The following DLEC1 variants were observed in gnomAD, a reference collection of about 807,000 sequenced individuals.
DLEC1 encodes deleted in lung and esophageal cancer protein 1.
In DLEC1, 146 loss-of-function variants were observed where a neutral mutation model predicts 198.1. The observed-to-expected ratio is 0.74, with a 90% CI of 0.64 to 0.85. The LOEUF (loss-of-function observed/expected upper bound fraction) is 0.85. Among genes scored for constraint, DLEC1 ranks in the 40% least tolerant of loss-of-function variants. The probability of loss-of-function intolerance (pLI) is 0.00; values close to 1 mark genes in which losing one functional copy is unlikely to be tolerated. For synonymous variants in DLEC1, 897 were observed against 866.8 expected (o/e 1.03, Z -0.61); for missense variants, 2,233 against 2,220.0 (o/e 1.01, Z -0.12).
Position 38,039,393 on chromosome 3 carries a change from C to T in DLEC1, c.168C>T (p.His56=), listed in dbSNP as rs773078667. ...YSSLAYSEAF[H]YSFAARPRRL... ...CCCTCGCCTACTCTGAGGCCTTCCACTACAGCTTCGCAGCCCGGCCCCGCC... is the reference window on the plus strand; with the variant it reads ...CCCTCGCCTACTCTGAGGCCTTCCATTACAGCTTCGCAGCCCGGCCCCGCC... Residue 56 remains histidine (H), a synonymous_variant, in exon 1 of 37, where the codon CAC becomes CAT. Coordinates refer to ENST00000308059, the MANE Select transcript of DLEC1 (RefSeq NM_007335.4). The T allele has an allele frequency of 3.1e-6, 5 of 1,614,010 alleles. No homozygotes were observed. The East Asian group carries it at 1.1e-4, about 36-fold the overall frequency.
At chr3:38,088,454 C>T (rs1267813764) in intron 10 of DLEC1, 66 bp downstream of exon 10, 9 of 1,495,394 alleles carry the variant, frequency 6.0e-6, no homozygotes, top group African/African-American at 1.4e-5. Context: ...TCTCTGTTTT[C>T]ATGACTCAAG....
chr3:38,086,387 C>G lies in DLEC1; in HGVS notation c.1572+10C>G. 1 of 1,594,502 alleles carries G rather than the reference C, an allele frequency of 6.3e-7. No homozygotes were observed. The highest frequency in any genetic ancestry group is 8.5e-7 in the Non-Finnish European group (1 of 1,169,648). ...ACCACTAAGTTTCAAGGTGAGTGAT[C>G]ACAGGTTGCTAACTGGAAAAATTAC... On this transcript the variant is annotated intron_variant, in intron 9 of 36. Coordinates refer to ENST00000308059, the MANE Select transcript of DLEC1 (RefSeq NM_007335.4).
chr3:38,055,314 A>G (rs188925575), intron 2 of DLEC1, among the ~76,000 whole-genome samples: 2 of 152,350 alleles, frequency 1.3e-5, no homozygotes, highest in African/African-American at 4.8e-5. Context: ...ATCCACATCC[A>G]TATCATCATG....
At chr3:38,081,752 C>T (rs1384241754) in intron 6 of DLEC1, among the ~76,000 whole-genome samples, 18 of 78,316 alleles carry the variant, frequency 2.3e-4, no homozygotes, top group East Asian at 2.0e-3. Context: ...CGGGCAGAGG[C>T]GCCCCTCACC....
chr3:38,057,037 T>A (rs911253310), intron 2 of DLEC1, among the ~76,000 whole-genome samples: 1 of 152,190 alleles, frequency 6.6e-6, no homozygotes, highest in African/African-American at 2.4e-5. Context: ...TGGCAGCAAG[T>A]CCAGTTGGGA....
intron 19 of DLEC1, chr3:38,103,122 C>T (rs1375484964): frequency 2.0e-5 from 3 of 152,278 alleles, no homozygotes; most frequent in African/African-American, 7.2e-5. Flanking sequence ...ACTAATTTCT[C>T]ATCACCCATT....
At chr3:38,073,782 T>C (rs1160505901) in intron 6 of DLEC1, among the ~76,000 whole-genome samples, 1 of 152,142 alleles carries the variant, frequency 6.6e-6, no homozygotes. Flanking sequence ...AACAGGCCTT[T>C]GAAAAGAAGG....
intron 2 of DLEC1, among the ~76,000 whole-genome samples, chr3:38,055,844 C>T (rs140671180): frequency 0.022 from 3,350 of 152,120 alleles, 118 homozygotes; most frequent in African/African-American, 0.077. Context: ...GCCTAGAAGA[C>T]GCTATGGGAG....
At position 38,039,468 on chromosome 3, in the gene DLEC1, T is replaced by TCTGCGCCCCTCCTCGCTGCGCA; in HGVS notation, c.245_266dup (p.Gln90AlafsTer44). 6.2e-7 allele frequency: 1 copy of TCTGCGCCCCTCCTCGCTGCGCA among 1,614,050 alleles called. No homozygotes were observed. Among genetic ancestry groups the TCTGCGCCCCTCCTCGCTGCGCA allele is most frequent in the Non-Finnish European group, 8.5e-7 (1 of 1,179,882 alleles). On this transcript the variant is annotated frameshift_variant, in exon 1 of 37. Transcript: ENST00000308059. LOFTEE classifies it high-confidence loss of function. The stretch of plus-strand genomic sequence containing the variant: ...AGCGTCCCGAGCCTCAGCTGCTTCG[T>TCTGCGCCCCTCCTCGCTGCGCA]CTGCGCCCCTCCTCGCTGCGCACCC...
intron 6 of DLEC1, among the ~76,000 whole-genome samples, chr3:38,064,547 G>A (rs993375169): frequency 9.2e-5 from 14 of 151,940 alleles, no homozygotes; most frequent in Non-Finnish European, 1.9e-4. Flanking sequence ...ACGGGGTGGC[G>A]GCCGGGCAGA....
Position 38,093,230 on chromosome 3 carries a change from A to T in DLEC1, c.1756+350A>T, listed in dbSNP as rs189905888. ...CATAAACAGCCAGAGCCACCTCTAGATTTCTGCAGGGTTAGAAGAGGCATC... is the reference window on the plus strand; with the variant it reads ...CATAAACAGCCAGAGCCACCTCTAGTTTTCTGCAGGGTTAGAAGAGGCATC... On this transcript the variant is annotated intron_variant, in intron 11 of 36. Transcript: ENST00000308059. 3.4e-4 allele frequency among the ~76,000 whole-genome samples: 52 copies of T among 152,128 alleles called. No homozygotes were observed. The East Asian group carries it at 7.9e-3, about 23-fold the overall frequency.
chr3:38,063,561 C>T lies in DLEC1; in HGVS notation c.1095-280C>T, dbSNP rs112944348. On this transcript the variant is annotated intron_variant, in intron 5 of 36. Coordinates refer to ENST00000308059, the MANE Select transcript of DLEC1 (RefSeq NM_007335.4). ...ATATTTGAGATACCTATATTAAAAA[C>T]CCACTTACTTATTGGTGTTTAAACA... 1.3e-3 allele frequency among the ~76,000 whole-genome samples: 205 copies of T among 152,218 alleles called. 2 individuals are homozygous for T. The highest frequency in any genetic ancestry group is 4.5e-3 in the African/African-American group (185 of 41,550).
intron 10 of DLEC1, among the ~76,000 whole-genome samples, chr3:38,092,447 CT>C (rs987170278): frequency 2.0e-5 from 3 of 152,208 alleles, no homozygotes; most frequent in Non-Finnish European, 4.4e-5. Flanking sequence ...TCACCTTCTG[CT>C]CTTTGCCAGT....
intron 19 of DLEC1, among the ~76,000 whole-genome samples, chr3:38,107,191 C>G (rs1699609959): frequency 6.6e-6 from 1 of 151,984 alleles, no homozygotes. Context: ...AAAAAATTCT[C>G]TCTTGTTTAG....
At position 38,117,171 on chromosome 3, in the gene DLEC1, C is replaced by T. The variant is rs1406073704; in HGVS notation, c.4306-37C>T. The T allele has an allele frequency of 5.6e-6, 9 of 1,613,984 alleles. No homozygotes were observed. The East Asian group carries it at 2.0e-4, about 36-fold the overall frequency. The stretch of plus-strand genomic sequence containing the variant: ...CCTGGGTAGCATGCTGCCTACTCAG[C>T]CCAGGGATCAGCTGTGATCAGACTT... On this transcript the variant is annotated intron_variant, in intron 30 of 36. Coordinates refer to ENST00000308059, the MANE Select transcript of DLEC1 (RefSeq NM_007335.4).
intron 3 of DLEC1, among the ~76,000 whole-genome samples, chr3:38,061,756 C>A (rs1284162687): frequency 2.6e-5 from 4 of 152,164 alleles, no homozygotes; most frequent in Non-Finnish European, 4.4e-5. Context: ...CAACCTTGAC[C>A]TCCTGTGCTG....
At chr3:38,096,505 A>G (rs1699025652) in intron 14 of DLEC1, 64 bp from the exon 15 acceptor site, 2 of 1,540,322 alleles carry the variant, frequency 1.3e-6, no homozygotes, top group South Asian at 2.5e-5. Flanking sequence ...GGACAGAGGC[A>G]GGGACACTCT....
chr3:38,051,075 A>AT (rs1701094149), intron 2 of DLEC1, among the ~76,000 whole-genome samples: 1 of 151,748 alleles, frequency 6.6e-6, no homozygotes, highest in South Asian at 2.1e-4. Context: ...TAATTTTTGT[A>AT]TTTTTTGTAG....
In DLEC1 at chr3:38,062,191, A is replaced by G; in HGVS notation, c.696A>G (p.Ser232=). ...TAGGCATCTCCCTACCTGGATGTTC[A>G]AAACTGACATTTAGCTGTGAGAAGC... is the stretch of plus-strand genomic sequence containing the variant. ...APKGISLPGC[S]KLTFSCEKRS... is the part of the protein sequence containing the mutation. The change falls in exon 4 of 37, where the codon TCA becomes TCG. Residue 232 remains serine, a synonymous_variant. Transcript: ENST00000308059. 5 of 1,614,226 alleles carry G rather than the reference A, an allele frequency of 3.1e-6. No individual in the cohort carries two copies. Among genetic ancestry groups the G allele is most frequent in the Non-Finnish European group, 4.2e-6 (5 of 1,180,054 alleles).
Sources: gnomAD v4.1 joint callset for allele counts (sites outside exome capture counted in the v4.1 genomes callset) on GRCh38, gnomAD v4.1.1 for gene constraint, MANE v1.5 for transcripts, NCBI Gene and HGNC (gene_info 2026-07-23, HGNC 2026-07-21) for gene names.